DCHS2: variants seen among roughly 807,000 people sequenced by gnomAD.
DCHS2 encodes the protein protocadherin-23.
A neutral mutation model predicts 182.4 loss-of-function variants in DCHS2; 142 were observed. The observed-to-expected ratio is 0.78, with a 90% CI of 0.68 to 0.89. DCHS2 has a LOEUF of 0.89. DCHS2 is among the 40% of genes least tolerant of loss of function. The pLI is 0.00. For missense variants in DCHS2, 4,319 were observed against 4,198.6 expected (o/e 1.03, Z -0.79); for synonymous variants, 1,740 against 1,663.3 (o/e 1.05, Z -1.12).
rs1728834640 is a variant in DCHS2, at chr4:154,491,430, C to T, written c.-75G>A. The T allele has an allele frequency of 3.5e-6, 5 of 1,438,388 alleles. No homozygotes were observed. The highest frequency in any genetic ancestry group is 4.6e-6 in the Non-Finnish European group (5 of 1,097,868). The allele number at this position is 1,438,388 out of a possible 1,614,324, so 89.1% of individuals were successfully genotyped here. ...CAGGATCGCAGAAAAATCCAGGAGC[C>T]TCTTCAGTGTCTGAGCCAGAGAAGA... On this transcript the variant is annotated 5_prime_UTR_variant, in exon 1 of 20. Transcript: ENST00000357232.
intron 3 of DCHS2, among the ~76,000 whole-genome samples, chr4:154,365,194 A>C (rs1408716498): frequency 1.3e-5 from 2 of 152,184 alleles, no homozygotes; most frequent in African/African-American, 4.8e-5. Context: ...TTTTAAAACA[A>C]GGAAACTAAA....
In DCHS2 at chr4:154,491,301, C is replaced by G; in HGVS notation, c.55G>C (p.Val19Leu). 2.6e-6 allele frequency: 4 copies of G among 1,547,906 alleles called. No homozygotes were observed. Among genetic ancestry groups the G allele is most frequent in the Non-Finnish European group, 3.5e-6 (4 of 1,144,642 alleles). Residue 19 changes from valine (V) to leucine (L), a missense_variant, in exon 1 of 20, where the codon GTC becomes CTC. Physicochemically the swap from Val to Leu is conservative, Grantham distance 32. Transcript: ENST00000357232. ...GEGRQQRRAP[V>L]GKLLLLPGRR... ...CCGGGGAGCAGAAGGAGCTTCCCGA[C>G]CGGAGCCCGCCGCTGCTGACGCCCT...
rs1735390953 is a variant in DCHS2 at position 154,305,105 on chromosome 4, G to A, written c.5387C>T (p.Thr1796Ile). Reference protein sequence around the residue: ...ILDREIQEVFTLRVLVRDGGF... With the variant: ...ILDREIQEVFILRVLVRDGGF... Reference sequence around the variant, plus strand: ...CTCAAAGAATCCCTTACCTCGAAGGGTGAAGACTTCTTGAATTTCTCTGTC... The same window carrying A: ...CTCAAAGAATCCCTTACCTCGAAGGATGAAGACTTCTTGAATTTCTCTGTC... Residue 1796 changes from threonine to isoleucine, a missense_variant, in exon 11 of 20, where the codon ACC (threonine) becomes ATC (isoleucine). Coordinates refer to ENST00000357232, the MANE Select transcript of DCHS2 (RefSeq NM_001358235.2). 1.2e-6 allele frequency: 2 copies of A among 1,609,314 alleles called. No homozygotes were observed. Among genetic ancestry groups the A allele is most frequent in the Non-Finnish European group, 1.7e-6 (2 of 1,178,716 alleles).
At chr4:154,296,994 A>T (rs1361046856) in intron 13 of DCHS2, among the ~76,000 whole-genome samples, 1 of 152,228 alleles carries the variant, frequency 6.6e-6, no homozygotes, top group Non-Finnish European at 1.5e-5. Context: ...GAATTTGGGA[A>T]TTTGAAAGCA....
chr4:154,392,995 C>A (rs939514630), intron 1 of DCHS2, among the ~76,000 whole-genome samples: 1 of 152,124 alleles, frequency 6.6e-6, no homozygotes, highest in African/African-American at 2.4e-5. Flanking sequence ...TCTCACTATT[C>A]CACTTGACTT....
At chr4:154,455,890 G>A (rs1488615220) in intron 1 of DCHS2, among the ~76,000 whole-genome samples, 2 of 152,106 alleles carry the variant, frequency 1.3e-5, no homozygotes, top group East Asian at 1.9e-4. Context: ...AGGAGTTCGA[G>A]CCCAGCCTGG....
chr4:154,351,514 C>A (rs1729608386), intron 3 of DCHS2, among the ~76,000 whole-genome samples: 2 of 152,150 alleles, frequency 1.3e-5, no homozygotes, highest in Admixed American at 1.3e-4. Context: ...ACAGTTTCTT[C>A]TGAATAGATG....
intron 1 of DCHS2, among the ~76,000 whole-genome samples, chr4:154,473,656 A>C (rs140776724): frequency 6.6e-6 from 1 of 152,298 alleles, no homozygotes; most frequent in African/African-American, 2.4e-5. Flanking sequence ...GGTGCTAGCC[A>C]AGCGTGAGGG....
chr4:154,361,713 A>T (rs573603798), intron 3 of DCHS2, among the ~76,000 whole-genome samples: 3 of 152,086 alleles, frequency 2.0e-5, no homozygotes, highest in Admixed American at 6.6e-5. Context: ...CAGGAAGATA[A>T]ACCCACAAGA....
At chr4:154,337,854 C>T (rs1336319942) in intron 3 of DCHS2, among the ~76,000 whole-genome samples, 1 of 152,082 alleles carries the variant, frequency 6.6e-6, no homozygotes, top group African/African-American at 2.4e-5. Flanking sequence ...GATTCTTCTG[C>T]CTCAGCCTCC....
intron 2 of DCHS2, among the ~76,000 whole-genome samples, chr4:154,376,744 G>T (rs1194802148): frequency 6.6e-6 from 1 of 152,138 alleles, no homozygotes; most frequent in Admixed American, 6.6e-5. Flanking sequence ...GAAATAGAGG[G>T]AATGGAAGAA....
chr4:154,301,839 C>T (rs1292795549), intron 12 of DCHS2, among the ~76,000 whole-genome samples: 4 of 152,060 alleles, frequency 2.6e-5, no homozygotes, highest in Non-Finnish European at 4.4e-5. Context: ...ACATGCATTC[C>T]GAGAATCATG....
intron 16 of DCHS2, among the ~76,000 whole-genome samples, chr4:154,244,259 C>G (rs1731971817): frequency 6.6e-6 from 1 of 152,094 alleles, no homozygotes. Context: ...CAAGATTTCC[C>G]CAAGGTTATA....
intron 13 of DCHS2, among the ~76,000 whole-genome samples, 157 bp downstream of exon 13, chr4:154,297,694 G>A (rs946479533): frequency 6.6e-6 from 1 of 152,174 alleles, no homozygotes; most frequent in African/African-American, 2.4e-5. Context: ...TCTCAGACCA[G>A]GTTCCACTTA....
At chr4:154,278,440 T>C (rs1399521125) in intron 13 of DCHS2, among the ~76,000 whole-genome samples, 1 of 151,390 alleles carries the variant, frequency 6.6e-6, no homozygotes, top group Non-Finnish European at 1.5e-5. Context: ...CAAAGGAAAA[T>C]GGGTAAAAAG....
chr4:154,281,487 T>G (rs1003448511), intron 13 of DCHS2, among the ~76,000 whole-genome samples: 51 of 152,120 alleles, frequency 3.4e-4, no homozygotes, highest in African/African-American at 1.2e-3. Flanking sequence ...AGGTAAAATA[T>G]TAATACGTTG....
chr4:154,449,201 T>C (rs1173901161), intron 1 of DCHS2, among the ~76,000 whole-genome samples: 2 of 116,370 alleles, frequency 1.7e-5, no homozygotes, highest in African/African-American at 5.5e-5. Context: ...AATTTGTCAC[T>C]TAAATATCCC....
rs1560784107 is a variant in DCHS2, at chr4:154,482,341, AT to A, written c.2052+6962del. 3.9e-5 allele frequency among the ~76,000 whole-genome samples: 6 copies of A among 152,316 alleles called. No individual in the cohort carries two copies. In the South Asian group the frequency reaches 1.0e-3, roughly 26 times the overall value. On this transcript the variant is annotated intron_variant, in intron 1 of 19. Coordinates refer to ENST00000357232, the MANE Select transcript of DCHS2 (RefSeq NM_001358235.2). Reference sequence around the variant, plus strand: ...TCATTTCTTACACTTTAGCAGCTACATTTTTTTCACAACTTCTTGACACTAA... The same window carrying A: ...TCATTTCTTACACTTTAGCAGCTACATTTTTTCACAACTTCTTGACACTAA...
intron 1 of DCHS2, among the ~76,000 whole-genome samples, chr4:154,438,006 C>T (rs1733851628): frequency 6.6e-6 from 1 of 151,860 alleles, no homozygotes; most frequent in African/African-American, 2.4e-5. Context: ...AACCTGTCTC[C>T]TAAAAAAAAG....
Sources: gnomAD v4.1 joint callset for allele counts (sites outside exome capture counted in the v4.1 genomes callset) on GRCh38, gnomAD v4.1.1 for gene constraint, MANE v1.5 for transcripts, NCBI Gene and HGNC (gene_info 2026-07-23, HGNC 2026-07-21) for gene names.